Variants in SLC16A6 observed in about 807,000 individuals in gnomAD.
SLC16A6 encodes monocarboxylate transporter 7.
Under a neutral mutation model 33.8 loss-of-function variants are expected in SLC16A6, and 15 were observed. That is an observed-to-expected ratio of 0.44 (90% confidence interval 0.30 to 0.68). SLC16A6 has a LOEUF of 0.68. Among genes scored for constraint, SLC16A6 ranks in the 30% least tolerant of loss-of-function variants. SLC16A6 has a pLI of 0.10. For synonymous variants in SLC16A6, 219 were observed against 248.4 expected, an observed-to-expected ratio of 0.88 and a Z score of 1.11; for missense variants, 451 against 661.5, an observed-to-expected ratio of 0.68 and a Z score of 3.49.
Position 68,267,502 on chromosome 17 carries a change from C to G in SLC16A6, c.*1594G>C, listed in dbSNP as rs2075194969. ...GTGATGAACTATGCCACTTTCATTT[C>G]AGTGCAGAGAAATATTCAAGCTTGT... On this transcript the variant is annotated 3_prime_UTR_variant, in exon 6 of 6. Transcript: ENST00000580666. 6.6e-6 allele frequency: 1 copy of G among 152,132 alleles called. No individual in the cohort carries two copies. The highest frequency in any genetic ancestry group is 2.1e-4 in the South Asian group (1 of 4,830). The allele number at this position is 152,132 out of a possible 1,614,324, so 9.4% of individuals were successfully genotyped here. A position where few individuals can be genotyped will look rare whatever the true frequency, so the allele number is the denominator to read the frequency against.
intron 1 of SLC16A6, among the ~76,000 whole-genome samples, chr17:68,284,957 A>T (rs901278628): frequency 6.6e-6 from 1 of 152,190 alleles, no homozygotes; most frequent in Non-Finnish European, 1.5e-5. Context: ...TACCTTGTAC[A>T]CAGCTTGTAT....
chr17:68,289,728 T>G (rs1241729250), intron 1 of SLC16A6, among the ~76,000 whole-genome samples: 1 of 152,202 alleles, frequency 6.6e-6, no homozygotes, highest in African/African-American at 2.4e-5. Context: ...TTTACAAGAC[T>G]ATGGTGTTGA....
Position 68,267,747 on chromosome 17 carries a change from CA to C in SLC16A6, c.*1348del, listed in dbSNP as rs35359403. On this transcript the variant is annotated 3_prime_UTR_variant, in exon 6 of 6. Coordinates refer to ENST00000580666, the MANE Select transcript of SLC16A6 (RefSeq NM_004694.5). Reference sequence around the variant, plus strand: ...CAATACTATACATGTAGTGTGACTCCAAAAAAAAAGGAAGAATAAAACAAAC... The same window carrying C: ...CAATACTATACATGTAGTGTGACTCCAAAAAAAAGGAAGAATAAAACAAAC... 0.63 allele frequency: 95,938 copies of C among 151,266 alleles called. 31,519 individuals are homozygous for C. Among genetic ancestry groups the C allele is most frequent in the African/African-American group, 0.8 (32,878 of 41,340 alleles). 9.4% of individuals were successfully genotyped at this position (151,266 alleles called of 1,614,324 possible).
chr17:68,273,210 A>T (rs1382785073), intron 3 of SLC16A6, among the ~76,000 whole-genome samples: 1 of 144,176 alleles, frequency 6.9e-6, no homozygotes, highest in Non-Finnish European at 1.5e-5. Context: ...TGTTCATTTC[A>T]TTTTTTTTTT....
rs782581215 is a variant in SLC16A6 at position 68,269,168 on chromosome 17, T to C, written c.1500A>G (p.Ile500Met). The change falls in exon 6 of 6, where the codon ATA becomes ATG. Residue 500 changes from isoleucine to methionine, a missense_variant. Coordinates refer to ENST00000580666, the MANE Select transcript of SLC16A6 (RefSeq NM_004694.5). ...GATCCATTTCCAGAAAGTCTTCAGGTATGTCCTGTAAAGTCTTCCCACGAT... is the reference window on the plus strand; with the variant it reads ...GATCCATTTCCAGAAAGTCTTCAGGCATGTCCTGTAAAGTCTTCCCACGAT... Reference protein sequence around the residue: ...VSHRGKTLQDIPEDFLEMDLA... With the variant: ...VSHRGKTLQDMPEDFLEMDLA... 1.3e-6 allele frequency: 2 copies of C among 1,551,592 alleles called. No individual in the cohort carries two copies. Among genetic ancestry groups the C allele is most frequent in the Non-Finnish European group, 8.7e-7 (1 of 1,154,138 alleles).
At position 68,291,127 on chromosome 17, in the gene SLC16A6, T is replaced by A. The variant is rs2075970017; in HGVS notation, c.-49A>T. The A allele has an allele frequency of 6.6e-6, 1 of 152,128 alleles. No homozygotes were observed. The highest frequency in any genetic ancestry group is 2.1e-4 in the South Asian group (1 of 4,834). The allele number at this position is 152,128 out of a possible 1,614,324, so 9.4% of individuals were successfully genotyped here. The stretch of plus-strand genomic sequence containing the variant: ...AGAATAAACCCCCAAAGGCTCCCAA[T>A]AAGGCGGAGGCTTGGCCTCCCCCTC... On this transcript the variant is annotated 5_prime_UTR_variant, in exon 1 of 6. Coordinates refer to ENST00000580666, the MANE Select transcript of SLC16A6 (RefSeq NM_004694.5).
At position 68,268,959 on chromosome 17, in the gene SLC16A6, T is replaced by C; in HGVS notation, c.*137A>G. The C allele has an allele frequency of 6.7e-7, 1 of 1,497,140 alleles. No individual in the cohort carries two copies. Among genetic ancestry groups the C allele is most frequent in the Non-Finnish European group, 8.9e-7 (1 of 1,117,508 alleles). 92.7% of individuals were successfully genotyped at this position (1,497,140 alleles called of 1,614,324 possible). Reference sequence around the variant, plus strand: ...AACAAAAGCGATGTTGGTAGTGCTCTTCACATACACATTCCCTTTAAAATG... The same window carrying C: ...AACAAAAGCGATGTTGGTAGTGCTCCTCACATACACATTCCCTTTAAAATG... On this transcript the variant is annotated 3_prime_UTR_variant, in exon 6 of 6. Transcript: ENST00000580666.
chr17:68,282,779 T>TAAAAAAACAAAAAAAAAAA (rs2075734299), intron 1 of SLC16A6, among the ~76,000 whole-genome samples: 1 of 53,398 alleles, frequency 1.9e-5, no homozygotes, highest in African/African-American at 9.3e-5. Flanking sequence ...CCATCTCTAC[T>TAAAAAAACAAAAAAAAAAA]AAAAAAAAAA....
Position 68,273,975 on chromosome 17 carries a change from A to C in SLC16A6, c.328T>G (p.Phe110Val), listed in dbSNP as rs782062052. 4.3e-6 allele frequency: 7 copies of C among 1,614,070 alleles called. 1 individual carries two copies. The African/African-American group carries it at 8.0e-5, about 18-fold the overall frequency. ...LVSTGMVAAS[F>V]SQEVSHMYVA... Reference sequence around the variant, plus strand: ...TACATATGAGAAACCTCTTGTGAGAAGGAGGCGGCCACCATCCCGGTGCTG... The same window carrying C: ...TACATATGAGAAACCTCTTGTGAGACGGAGGCGGCCACCATCCCGGTGCTG... The change falls in exon 3 of 6, where the codon TTC (phenylalanine) becomes GTC (valine). Residue 110 changes from phenylalanine (F) to valine (V), a missense_variant. By Grantham distance (50) the Phe-to-Val change is conservative (BLOSUM62 -1). Transcript: ENST00000580666.
In SLC16A6 at chr17:68,275,752, C is replaced by G. The variant is rs113593958; in HGVS notation, c.233-1682G>C. 8.5e-3 allele frequency among the ~76,000 whole-genome samples: 1,299 copies of G among 152,144 alleles called. 21 individuals carry two copies. Among genetic ancestry groups the G allele is most frequent in the African/African-American group, 0.029 (1,206 of 41,502 alleles). On this transcript the variant is annotated intron_variant, in intron 2 of 5. Transcript: ENST00000580666. ...AATCCAGCACTTTGGGAGGCCGAAG[C>G]AGGTGGATCACGAGTTCAGGAGTTA...
intron 2 of SLC16A6, among the ~76,000 whole-genome samples, chr17:68,277,454 G>C (rs1219623110): frequency 6.6e-6 from 1 of 151,818 alleles, no homozygotes; most frequent in Non-Finnish European, 1.5e-5. Flanking sequence ...TTTTGAGATG[G>C]TGTCTCGCTC....
intron 5 of SLC16A6, among the ~76,000 whole-genome samples, chr17:68,269,673 G>GTTTTTTTTTTTTTTTT (rs782421181): frequency 9.0e-5 from 7 of 77,894 alleles, no homozygotes; most frequent in Non-Finnish European, 1.3e-4. Context: ...TTCACTTTAG[G>GTTTTTTTTTTTTTTTT]TTTTTTTTTT....
At chr17:68,282,103 A>C (rs1162000547) in intron 1 of SLC16A6, among the ~76,000 whole-genome samples, 1 of 152,234 alleles carries the variant, frequency 6.6e-6, no homozygotes, top group South Asian at 2.1e-4. Context: ...AACCAATCCA[A>C]ATGTCCATCA....
In SLC16A6 at chr17:68,273,985, C is replaced by CA; in HGVS notation, c.317dup (p.Ala107GlyfsTer26). ...AAACCTCTTGTGAGAAGGAGGCGGC[C>CA]ACCATCCCGGTGCTGACAAGTAGCC... On this transcript the variant is annotated frameshift_variant, in exon 3 of 6. Transcript: ENST00000580666. LOFTEE classifies it high-confidence loss of function. The CA allele has an allele frequency of 6.2e-7, 1 of 1,614,138 alleles. No individual in the cohort carries two copies. The highest frequency in any genetic ancestry group is 1.3e-5 in the African/African-American group (1 of 75,030).
chr17:68,278,377 G>A lies in SLC16A6; in HGVS notation c.-7-50C>T, dbSNP rs75266684. 2.8e-3 allele frequency: 3,407 copies of A among 1,196,544 alleles called. 86 individuals carry two copies. The African/African-American group carries it at 0.047, about 16-fold the overall frequency. 74.1% of individuals were successfully genotyped at this position (1,196,544 alleles called of 1,614,324 possible). ...TCAGATCAGCAATAGCATGAGGATCGATGATTCTCATACTCTTAAGCAAAC... is the reference window on the plus strand; with the variant it reads ...TCAGATCAGCAATAGCATGAGGATCAATGATTCTCATACTCTTAAGCAAAC... On this transcript the variant is annotated intron_variant, in intron 1 of 5. Transcript: ENST00000580666.
chr17:68,269,036 C>G lies in SLC16A6; in HGVS notation c.*60G>C. ...TAGCTCCTCTGCCTCCTTGTGTCCC[C>G]GTTGGGCCCACCCCATCCCTCTCCA... On this transcript the variant is annotated 3_prime_UTR_variant, in exon 6 of 6. Transcript: ENST00000580666. The G allele has an allele frequency of 6.3e-7, 1 of 1,593,612 alleles. No individual in the cohort carries two copies. Among genetic ancestry groups the G allele is most frequent in the South Asian group, 1.1e-5 (1 of 87,714 alleles).
rs539020745 is a variant in SLC16A6, at chr17:68,281,939, G to A, written c.-7-3612C>T. On this transcript the variant is annotated intron_variant, in intron 1 of 5. Coordinates refer to ENST00000580666, the MANE Select transcript of SLC16A6 (RefSeq NM_004694.5). ...TAGTTCAACCATGGTGGAAGACAGT[G>A]TGGCAATTCCTCAAGGATCTAGAAC... 2.0e-5 allele frequency among the ~76,000 whole-genome samples: 3 copies of A among 152,310 alleles called. No individual in the cohort carries two copies. In the South Asian group the frequency reaches 6.2e-4, roughly 32 times the overall value.
In SLC16A6 at chr17:68,273,982, G is replaced by C; in HGVS notation, c.321C>G (p.Ala107=). ...GGLLVSTGMV[A]ASFSQEVSHM... ...GAGAAACCTCTTGTGAGAAGGAGGC[G>C]GCCACCATCCCGGTGCTGACAAGTA... The change falls in exon 3 of 6, where the codon GCC becomes GCG. Residue 107 remains alanine (A), a synonymous_variant. Coordinates refer to ENST00000580666, the MANE Select transcript of SLC16A6 (RefSeq NM_004694.5). 1 of 1,614,078 alleles carries C rather than the reference G, an allele frequency of 6.2e-7. No individual in the cohort carries two copies. Among genetic ancestry groups the C allele is most frequent in the Non-Finnish European group, 8.5e-7 (1 of 1,180,004 alleles).
intron 5 of SLC16A6, among the ~76,000 whole-genome samples, chr17:68,270,420 G>C (rs1256450275): frequency 6.6e-6 from 1 of 152,154 alleles, no homozygotes; most frequent in African/African-American, 2.4e-5. Context: ...CAGGCGTGGT[G>C]GTGGGTGCCT....
Sources: allele counts gnomAD v4.1 joint callset (sites outside exome capture counted in the v4.1 genomes callset), GRCh38; gene constraint gnomAD v4.1.1; transcripts MANE v1.5; gene names NCBI Gene and HGNC (gene_info 2026-07-23, HGNC 2026-07-21).